Variants in RELN observed in about 807,000 individuals in gnomAD.
RELN encodes the protein reelin.
Under a neutral mutation model 427.6 loss-of-function variants are expected in RELN, and 108 were observed. That is an observed-to-expected ratio of 0.25 (90% CI 0.22 to 0.30). RELN has a LOEUF of 0.30. RELN is among the 10% of genes least tolerant of loss of function. RELN has a pLI of 1.00. For missense variants in RELN, 3,715 were observed against 4,302.8 expected (o/e 0.86, Z 3.82); for synonymous variants, 1,524 against 1,513.4 (o/e 1.01, Z -0.16).
chr7:103,557,395 GAT>G (rs552571015), intron 37 of RELN, among the ~76,000 whole-genome samples: 4 of 152,246 alleles, frequency 2.6e-5, no homozygotes, highest in Admixed American at 2.6e-4. Flanking sequence ...TTCTCTCTCA[GAT>G]ATGCACAGGC....
At chr7:103,588,431 C>T (rs142353928) in intron 28 of RELN, among the ~76,000 whole-genome samples, 198 of 152,046 alleles carry the variant, frequency 1.3e-3, no homozygotes, top group East Asian at 5.8e-4. Context: ...TGGGTTAAAG[C>T]GTACAAACAT....
At chr7:103,482,527 T>A (rs1462854539) in intron 63 of RELN, among the ~76,000 whole-genome samples, 1 of 152,204 alleles carries the variant, frequency 6.6e-6, no homozygotes, top group Non-Finnish European at 1.5e-5. Flanking sequence ...TCCTTCCTCT[T>A]CAAGGATGTC....
chr7:103,828,781 T>C (rs532345598), intron 3 of RELN, among the ~76,000 whole-genome samples: 5 of 151,946 alleles, frequency 3.3e-5, no homozygotes, highest in Non-Finnish European at 7.4e-5. Context: ...ATGAATTCAA[T>C]AATATTTCTA....
At chr7:103,802,169 T>G (rs1792483693) in intron 3 of RELN, among the ~76,000 whole-genome samples, 1 of 152,150 alleles carries the variant, frequency 6.6e-6, no homozygotes, top group Admixed American at 6.6e-5. Context: ...ATCAGTAAGT[T>G]TCACAAATTC....
intron 2 of RELN, among the ~76,000 whole-genome samples, chr7:103,835,954 C>CTTTTTTTTTTTTTTTTTTTTTTT (rs10569884): frequency 7.0e-6 from 1 of 142,394 alleles, no homozygotes; most frequent in African/African-American, 2.6e-5. Context: ...CTCAATTACC[C>CTTTTTTTTTTTTTTTTTTTTTTT]TTTTTTTTTT....
intron 6 of RELN, among the ~76,000 whole-genome samples, chr7:103,742,863 C>T (rs566190524): frequency 3.8e-4 from 58 of 152,242 alleles, no homozygotes; most frequent in Middle Eastern, 3.4e-3. Context: ...GGAGAACTTC[C>T]CCAATCTAGC....
At position 103,640,610 on chromosome 7, in the gene RELN, CTG is replaced by C. The variant is rs2117362232; in HGVS notation, c.2003-3_2003-2del. On this transcript the variant is annotated splice_acceptor_variant and splice_polypyrimidine_tract_variant and intron_variant, in intron 16 of 64. Transcript: ENST00000428762. LOFTEE classifies it high-confidence loss of function. This position sits in a 1 kb window ranked among gnomAD's most constrained non-coding sequence, Gnocchi z 4.1. ...TTGAGACATGACGGGCCAATATAAACTGTGGGAGGGAAAAAGAGAACATAATT... is the reference window on the plus strand; with the variant it reads ...TTGAGACATGACGGGCCAATATAAACTGGGAGGGAAAAAGAGAACATAATT... 1 of 1,613,688 alleles carries C rather than the reference CTG, an allele frequency of 6.2e-7. No individual in the cohort carries two copies. The highest frequency in any genetic ancestry group is 2.2e-5 in the East Asian group (1 of 44,796).
chr7:103,518,299 G>T (rs1196736522), intron 49 of RELN, among the ~76,000 whole-genome samples: 1 of 146,592 alleles, frequency 6.8e-6, no homozygotes, highest in Non-Finnish European at 1.5e-5. Context: ...TATCTGGCTT[G>T]CATGCATTAA....
chr7:103,790,463 T>C (rs1563015170), intron 3 of RELN, among the ~76,000 whole-genome samples: 1 of 152,214 alleles, frequency 6.6e-6, no homozygotes, highest in Non-Finnish European at 1.5e-5. Flanking sequence ...CATTTTAAGA[T>C]GTATTTCCAG....
At chr7:103,557,203 A>G in intron 37 of RELN, 44 bp from the exon 38 acceptor site, 2 of 1,470,240 alleles carry the variant, frequency 1.4e-6, no homozygotes, top group Non-Finnish European at 1.9e-6. Context: ...TGTGATAAAA[A>G]TGGGGAAATG....
At chr7:103,862,127 G>A (rs1224839451) in intron 2 of RELN, among the ~76,000 whole-genome samples, 1 of 152,098 alleles carries the variant, frequency 6.6e-6, no homozygotes, top group Non-Finnish European at 1.5e-5. Flanking sequence ...AATCCGAGGA[G>A]AGTGAAATAA....
intron 11 of RELN, among the ~76,000 whole-genome samples, chr7:103,679,634 GATGTTC>G (rs1833611436): frequency 1.3e-5 from 2 of 152,004 alleles, no homozygotes; most frequent in African/African-American, 4.8e-5. Flanking sequence ...AATTTCCTCT[GATGTTC>G]CTCTGTGTCC....
intron 4 of RELN, 64 bp downstream of exon 4, chr7:103,776,493 T>C (rs969896405): frequency 2.6e-6 from 4 of 1,527,408 alleles, no homozygotes; most frequent in Admixed American, 3.3e-5. Flanking sequence ...ACTTGGTACA[T>C]AGAACACAGG....
In RELN at chr7:103,734,857, T is replaced by C. The variant is rs543016225; in HGVS notation, c.657-6650A>G. Among the ~76,000 whole-genome samples, 61 of 152,326 alleles carry C rather than the reference T, an allele frequency of 4.0e-4. No individual in the cohort carries two copies. The South Asian group carries it at 0.012, about 29-fold the overall frequency. On this transcript the variant is annotated intron_variant, in intron 6 of 64. Coordinates refer to ENST00000428762, the MANE Select transcript of RELN (RefSeq NM_005045.4). ...TTTTGAAAATTTACAATAACTTTTC[T>C]TAAAAACTGTTTTTTCAATTATAGG...
rs150859577 is a variant in RELN at position 103,844,076 on chromosome 7, C to T, written c.338-10404G>A. ...GACCTGCTCTCTTGTGTGTTTAATT[C>T]ACAACCCAACTTCCAGTTTAGGAGT... is the stretch of plus-strand genomic sequence containing the variant. On this transcript the variant is annotated intron_variant, in intron 2 of 64. Transcript: ENST00000428762. Among the ~76,000 whole-genome samples, 83 of 152,288 alleles carry T rather than the reference C, an allele frequency of 5.5e-4. No homozygotes were observed. In the Middle Eastern group the frequency reaches 0.014, roughly 25 times the overall value.
chr7:103,708,637 G>A (rs1309275237), intron 8 of RELN, among the ~76,000 whole-genome samples: 2 of 151,538 alleles, frequency 1.3e-5, no homozygotes, highest in Admixed American at 6.6e-5. Context: ...CTAATTTTTT[G>A]TATTTTTAGT....
chr7:103,972,889 T>A (rs941950691), intron 1 of RELN, among the ~76,000 whole-genome samples: 1 of 131,154 alleles, frequency 7.6e-6, no homozygotes, highest in African/African-American at 3.1e-5. Context: ...TGTGGGCATA[T>A]GATTATGTGT....
chr7:103,630,875 G>GT (rs1562931073), intron 19 of RELN, among the ~76,000 whole-genome samples: 14 of 93,026 alleles, frequency 1.5e-4, no homozygotes, highest in African/African-American at 3.9e-4. Flanking sequence ...TTTTTTTTTT[G>GT]TTTTTTAACT....
At chr7:103,826,225 C>T (rs1157232674) in intron 3 of RELN, among the ~76,000 whole-genome samples, 3 of 151,666 alleles carry the variant, frequency 2.0e-5, no homozygotes. Context: ...CTGGGACTTC[C>T]TAGTCTCCAG....
Sources: allele counts gnomAD v4.1 joint callset (sites outside exome capture counted in the v4.1 genomes callset), GRCh38; gene constraint gnomAD v4.1.1; non-coding constraint Gnocchi (gnomAD v3.1); transcripts MANE v1.5; gene names NCBI Gene and HGNC (gene_info 2026-07-23, HGNC 2026-07-21).